Variants in MAGI1 observed in about 807,000 individuals in gnomAD.
MAGI1 encodes membrane associated guanylate kinase, WW and PDZ domain containing 1.
In MAGI1, 58 loss-of-function variants were observed where a neutral mutation model predicts 139.9. That is an observed-to-expected ratio of 0.41 (90% CI 0.34 to 0.52). MAGI1 has a LOEUF of 0.52. Among genes scored for constraint, MAGI1 ranks in the 20% least tolerant of loss-of-function variants. MAGI1 has a pLI of 0.12. For synonymous variants in MAGI1, 812 were observed against 737.9 expected (o/e 1.10, Z -1.63); for missense variants, 1,874 against 1,901.6 (o/e 0.99, Z 0.27).
At chr3:65,679,023 C>G (rs773834457) in intron 1 of MAGI1, among the ~76,000 whole-genome samples, 3 of 152,130 alleles carry the variant, frequency 2.0e-5, no homozygotes, top group Non-Finnish European at 2.9e-5. Context: ...TCCACTTATT[C>G]AGGTTTTCCT....
intron 2 of MAGI1, among the ~76,000 whole-genome samples, chr3:65,608,371 G>A (rs941636468): frequency 2.0e-5 from 3 of 152,010 alleles, no homozygotes; most frequent in Non-Finnish European, 2.9e-5. Flanking sequence ...GGAGGCAAAG[G>A]TTGCAGTAAG....
chr3:65,390,717 A>T (rs544928948), intron 14 of MAGI1, among the ~76,000 whole-genome samples: 2 of 152,352 alleles, frequency 1.3e-5, no homozygotes, highest in Admixed American at 1.3e-4. Context: ...TATTTTTAAA[A>T]ATCAAGAGAC....
chr3:65,753,675 C>T (rs187575967), intron 1 of MAGI1, among the ~76,000 whole-genome samples: 1 of 146,772 alleles, frequency 6.8e-6, no homozygotes, highest in African/African-American at 2.5e-5. Flanking sequence ...GAGCCAAGAT[C>T]GCACCACCAC....
At chr3:65,634,904 A>G (rs1233467172) in intron 1 of MAGI1, among the ~76,000 whole-genome samples, 1 of 152,170 alleles carries the variant, frequency 6.6e-6, no homozygotes, top group East Asian at 1.9e-4. Context: ...AGTTATCATG[A>G]TATCTGTACC....
intron 1 of MAGI1, among the ~76,000 whole-genome samples, chr3:65,626,208 G>C (rs2083962208): frequency 6.6e-6 from 1 of 152,144 alleles, no homozygotes; most frequent in Non-Finnish European, 1.5e-5. Context: ...CATTCCAAAG[G>C]AGTTTTCAGA....
chr3:65,584,831 A>G (rs368033214), intron 2 of MAGI1, among the ~76,000 whole-genome samples: 1 of 152,210 alleles, frequency 6.6e-6, no homozygotes, highest in Non-Finnish European at 1.5e-5. Flanking sequence ...TCATTCATTT[A>G]TCCATTCGAC....
chr3:65,796,996 GA>G (rs930901597), intron 1 of MAGI1, among the ~76,000 whole-genome samples: 2 of 152,144 alleles, frequency 1.3e-5, no homozygotes, highest in African/African-American at 4.8e-5. Context: ...ATCTTGGATT[GA>G]AACTAATCAT....
intron 2 of MAGI1, among the ~76,000 whole-genome samples, chr3:65,612,091 C>G (rs181184175): frequency 6.6e-6 from 1 of 152,118 alleles, no homozygotes; most frequent in African/African-American, 2.4e-5. Flanking sequence ...AATCTCAATT[C>G]TAGACTAAAA....
chr3:65,729,130 G>A (rs939266581), intron 1 of MAGI1, among the ~76,000 whole-genome samples: 4 of 113,084 alleles, frequency 3.5e-5, no homozygotes, highest in Non-Finnish European at 7.7e-5. Context: ...CGGGGGGGGG[G>A]GGGGGGATGA....
intron 2 of MAGI1, among the ~76,000 whole-genome samples, chr3:65,536,735 T>C (rs183019439): frequency 6.6e-6 from 1 of 152,268 alleles, no homozygotes; most frequent in East Asian, 1.9e-4. Flanking sequence ...ACATTGGTTG[T>C]AACCATTGAG....
At chr3:65,869,363 G>GTTT (rs200727194) in intron 1 of MAGI1, among the ~76,000 whole-genome samples, 10 of 129,304 alleles carry the variant, frequency 7.7e-5, no homozygotes, top group East Asian at 2.1e-4. Flanking sequence ...GGCAAGACTG[G>GTTT]TTTTTTGTTG....
At chr3:65,876,013 T>G (rs2108505866) in intron 1 of MAGI1, among the ~76,000 whole-genome samples, 1 of 152,216 alleles carries the variant, frequency 6.6e-6, no homozygotes, top group Admixed American at 6.5e-5. Context: ...ACTGATGGAT[T>G]CTTTAATAGG....
intron 2 of MAGI1, among the ~76,000 whole-genome samples, chr3:65,550,546 T>C (rs2079773081): frequency 6.6e-6 from 1 of 152,166 alleles, no homozygotes; most frequent in Admixed American, 6.5e-5. Flanking sequence ...TTCCTTTTAT[T>C]CATATACAAC....
chr3:65,523,044 C>A (rs2078231686), intron 2 of MAGI1, among the ~76,000 whole-genome samples: 1 of 152,086 alleles, frequency 6.6e-6, no homozygotes, highest in South Asian at 2.1e-4. Context: ...ATCCCACTCT[C>A]CATTGGAATG....
At chr3:65,639,732 G>A (rs1559745716) in intron 1 of MAGI1, among the ~76,000 whole-genome samples, 3 of 152,156 alleles carry the variant, frequency 2.0e-5, no homozygotes, top group Admixed American at 6.6e-5. Flanking sequence ...GCCAGGTGCG[G>A]TGGCTCAGGC....
chr3:65,613,052 T>G (rs2083200079), intron 2 of MAGI1, among the ~76,000 whole-genome samples: 1 of 152,184 alleles, frequency 6.6e-6, no homozygotes, highest in Non-Finnish European at 1.5e-5. Context: ...AATATGTTAA[T>G]TTTTAAAAAT....
chr3:65,485,485 T>C (rs939609068), intron 3 of MAGI1, among the ~76,000 whole-genome samples: 1 of 152,132 alleles, frequency 6.6e-6, no homozygotes, highest in African/African-American at 2.4e-5. Flanking sequence ...GGCAACCTAA[T>C]AGGTTTTTGT....
intron 1 of MAGI1, among the ~76,000 whole-genome samples, chr3:65,655,400 T>A (rs898934012): frequency 3.9e-5 from 6 of 152,204 alleles, no homozygotes; most frequent in Non-Finnish European, 8.8e-5. Context: ...CAGTCAACTG[T>A]GACTTCTGAA....
intron 7 of MAGI1, among the ~76,000 whole-genome samples, chr3:65,443,270 T>C (rs6445478): frequency 1 from 151,718 of 152,280 alleles, 75,579 homozygotes; most frequent in Middle Eastern, 1. Context: ...AATAGTGTTG[T>C]TTTGCTCTCC....
Sources: gnomAD v4.1 joint callset for allele counts (sites outside exome capture counted in the v4.1 genomes callset) on GRCh38, gnomAD v4.1.1 for gene constraint, MANE v1.5 for transcripts, NCBI Gene and HGNC (gene_info 2026-07-23, HGNC 2026-07-21) for gene names.